Variants in CA10 observed in about 807,000 individuals in gnomAD.
CA10 encodes carbonic anhydrase 10 (inactive).
In CA10, 14 loss-of-function variants were observed where a neutral mutation model predicts 44.2. That is an observed-to-expected ratio of 0.32 (90% CI 0.21 to 0.50). CA10 has a LOEUF of 0.50. CA10 is among the 20% of genes least tolerant of loss of function. The probability of loss-of-function intolerance (pLI) is 0.99; values close to 1 mark genes in which losing one functional copy is unlikely to be tolerated. For missense variants in CA10, 350 were observed against 409.7 expected (o/e 0.85, Z 1.26); for synonymous variants, 159 against 141.6 (o/e 1.12, Z -0.87).
At chr17:52,035,858 C>T (rs536238519) in intron 2 of CA10, among the ~76,000 whole-genome samples, 1 of 152,328 alleles carries the variant, frequency 6.6e-6, no homozygotes, top group East Asian at 1.9e-4. Flanking sequence ...AGGGAAGTAT[C>T]CTGCTTCACT....
chr17:51,904,701 C>T (rs1259409470), intron 3 of CA10, among the ~76,000 whole-genome samples: 1 of 152,134 alleles, frequency 6.6e-6, no homozygotes, highest in Non-Finnish European at 1.5e-5. Context: ...CCAAGAGGGT[C>T]AATGCCTTCT....
intron 3 of CA10, among the ~76,000 whole-genome samples, chr17:51,748,073 T>C (rs1405191): frequency 0.21 from 31,842 of 152,172 alleles, 3,409 homozygotes; most frequent in East Asian, 0.31. Context: ...TCATTTGTGA[T>C]TAATATTTTG....
At chr17:52,136,640 G>A (rs1039377903) in intron 1 of CA10, among the ~76,000 whole-genome samples, 1 of 152,120 alleles carries the variant, frequency 6.6e-6, no homozygotes, top group Non-Finnish European at 1.5e-5. Context: ...CTTTGCAGAA[G>A]GGAGACATCC....
intron 1 of CA10, among the ~76,000 whole-genome samples, chr17:52,084,657 C>G (rs550077312): frequency 6.6e-6 from 1 of 152,286 alleles, no homozygotes; most frequent in African/African-American, 2.4e-5. Context: ...CAGCAGCCTA[C>G]TAATTAGAAT....
intron 2 of CA10, among the ~76,000 whole-genome samples, chr17:51,979,054 T>A (rs1445550264): frequency 6.6e-6 from 1 of 152,116 alleles, no homozygotes; most frequent in Non-Finnish European, 1.5e-5. Flanking sequence ...TTGGGTGACT[T>A]TGCATGGCCC....
intron 3 of CA10, among the ~76,000 whole-genome samples, chr17:51,900,601 C>CATAT (rs2087130069): frequency 6.6e-6 from 1 of 152,154 alleles, no homozygotes; most frequent in Non-Finnish European, 1.5e-5. Flanking sequence ...TTTCATGAAC[C>CATAT]ATATCTTCAA....
Position 52,108,888 on chromosome 17 carries a change from G to A in CA10, c.62-36495C>T, listed in dbSNP as rs898061774. 2.0e-5 allele frequency among the ~76,000 whole-genome samples: 3 copies of A among 151,816 alleles called. No homozygotes were observed. The East Asian group carries it at 5.8e-4, about 29-fold the overall frequency. ...TTACCCATGTAATCAAACACCAACTGTACCCCAACAAGTTATGGAGAAATA... is the reference window on the plus strand; with the variant it reads ...TTACCCATGTAATCAAACACCAACTATACCCCAACAAGTTATGGAGAAATA... On this transcript the variant is annotated intron_variant, in intron 1 of 8. Transcript: ENST00000451037.
chr17:52,159,548 A>G (rs1404293865), upstream of CA10: 1 of 152,248 alleles, frequency 6.6e-6, no homozygotes, highest in African/African-American at 2.4e-5. Context: ...GCTCCAGGAT[A>G]CTTTCCGCCA....
At chr17:52,061,472 A>T (rs913410537) in intron 2 of CA10, among the ~76,000 whole-genome samples, 2 of 152,142 alleles carry the variant, frequency 1.3e-5, no homozygotes, top group Non-Finnish European at 2.9e-5. Context: ...CTAGCTACTA[A>T]CTTTAGGGTA....
chr17:52,105,596 C>T (rs1039037294), intron 1 of CA10, among the ~76,000 whole-genome samples: 4 of 152,132 alleles, frequency 2.6e-5, no homozygotes, highest in African/African-American at 7.2e-5. Context: ...GGTTCTTACC[C>T]GCTTCTTCAC....
Position 51,820,413 on chromosome 17 carries a change from CCCCCCG to C in CA10, c.280-72601_280-72596del, listed in dbSNP as rs1279116021. 3.1e-4 allele frequency among the ~76,000 whole-genome samples: 30 copies of C among 96,458 alleles called. 2 individuals are homozygous for C. The highest frequency in any genetic ancestry group is 7.9e-4 in the East Asian group (2 of 2,528). 63.3% of individuals were successfully genotyped at this position (96,458 alleles called of 152,430 possible). A position where few individuals can be genotyped will look rare whatever the true frequency, so the allele number is the denominator to read the frequency against. ...AACCTGGGGATTCCCCTACCCCCCC[CCCCCCG>C]CCCGCCGATTTTCCTGTACAAAGTT... On this transcript the variant is annotated intron_variant, in intron 3 of 8. Transcript: ENST00000451037.
At chr17:51,766,912 G>A (rs563778678) in intron 3 of CA10, among the ~76,000 whole-genome samples, 1 of 151,982 alleles carries the variant, frequency 6.6e-6, no homozygotes, top group Non-Finnish European at 1.5e-5. Context: ...AGAGGTCCTC[G>A]ATAGGCAATG....
intron 4 of CA10, among the ~76,000 whole-genome samples, chr17:51,682,705 T>A (rs1460895983): frequency 6.6e-6 from 1 of 152,226 alleles, no homozygotes; most frequent in Admixed American, 6.5e-5. Context: ...TCTGAAATTT[T>A]GTATATACAT....
At chr17:51,900,436 C>A (rs572549394) in intron 3 of CA10, among the ~76,000 whole-genome samples, 13 of 152,206 alleles carry the variant, frequency 8.5e-5, no homozygotes, top group African/African-American at 3.1e-4. Context: ...TGACCTGCCC[C>A]TTCTCTCTAG....
chr17:51,992,042 C>T (rs1985060484), intron 2 of CA10, among the ~76,000 whole-genome samples: 1 of 151,850 alleles, frequency 6.6e-6, no homozygotes, highest in East Asian at 1.9e-4. Context: ...TACTCTACCA[C>T]TCAATTTTTC....
chr17:51,860,197 T>C (rs557580351), intron 3 of CA10, among the ~76,000 whole-genome samples: 29 of 152,310 alleles, frequency 1.9e-4, no homozygotes, highest in African/African-American at 6.5e-4. Context: ...TTAGCACTCA[T>C]GAAGCATTAA....
chr17:51,810,846 T>C (rs560107296), intron 3 of CA10, among the ~76,000 whole-genome samples: 2 of 152,200 alleles, frequency 1.3e-5, no homozygotes, highest in South Asian at 4.1e-4. Flanking sequence ...ATAAATATTT[T>C]CTCCAACCAC....
Position 51,899,957 on chromosome 17 carries a change from A to G in CA10, c.279+31033T>C, listed in dbSNP as rs139004124. ...TGCATGTGAGATGGGTCTCTTGAAG[A>G]TAGCATATAGTTGGGTTTTACTTCT... On this transcript the variant is annotated intron_variant, in intron 3 of 8. Transcript: ENST00000451037. Among the ~76,000 whole-genome samples the G allele has an allele frequency of 9.4e-4, 137 of 146,396 alleles. 1 individual carries two copies. The highest frequency in any genetic ancestry group is 3.1e-3 in the African/African-American group (118 of 37,590).
At chr17:51,680,636 A>T (rs955372202) in intron 4 of CA10, among the ~76,000 whole-genome samples, 1 of 152,150 alleles carries the variant, frequency 6.6e-6, no homozygotes, top group African/African-American at 2.4e-5. Context: ...ACATCTCCTG[A>T]TACTTACTCC....
Sources: gnomAD v4.1 joint callset for allele counts (sites outside exome capture counted in the v4.1 genomes callset) on GRCh38, gnomAD v4.1.1 for gene constraint, MANE v1.5 for transcripts, NCBI Gene and HGNC (gene_info 2026-07-23, HGNC 2026-07-21) for gene names.